Variants in FAT4 observed in about 807,000 individuals in gnomAD.
The protein encoded by FAT4 is protocadherin Fat 4.
FAT4 carries 84 observed loss-of-function variants against 303.9 expected under a neutral mutation model. The observed-to-expected ratio is 0.28, with a 90% CI of 0.23 to 0.33. The LOEUF (loss-of-function observed/expected upper bound fraction) is 0.33. Ranked by LOEUF, FAT4 falls within the 10% of genes least tolerant of loss-of-function variation. FAT4 has a pLI of 1.00. For missense variants in FAT4, 6,005 were observed against 6,146.8 expected (o/e 0.98, Z 0.77); for synonymous variants, 2,307 against 2,298.8 (o/e 1.00, Z -0.10).
At chr4:125,370,765 C>G (rs1733074710) in intron 2 of FAT4, among the ~76,000 whole-genome samples, 1 of 151,984 alleles carries the variant, frequency 6.6e-6, no homozygotes. Context: ...TCAAAATTTT[C>G]AAAGTTTGAA....
chr4:125,465,323 A>G (rs1313277195), intron 11 of FAT4, among the ~76,000 whole-genome samples: 2 of 152,206 alleles, frequency 1.3e-5, no homozygotes, highest in African/African-American at 4.8e-5. Context: ...TGAGATGTCC[A>G]AAAACTTTTT....
intron 2 of FAT4, among the ~76,000 whole-genome samples, chr4:125,327,254 A>G (rs577839918): frequency 1.4e-4 from 22 of 152,236 alleles, no homozygotes; most frequent in Non-Finnish European, 3.1e-4. Flanking sequence ...AAGGTAGATG[A>G]GGGGCCTCTT....
chr4:125,481,765 AT>A lies in FAT4; in HGVS notation c.12822+30del, dbSNP rs748966965. The A allele has an allele frequency of 2.5e-6, 4 of 1,595,200 alleles. No homozygotes were observed. The South Asian group carries it at 3.3e-5, about 13-fold the overall frequency. Reference sequence around the variant, plus strand: ...TGAGATAAAAGCTAATGGTGACTTCATTTGATTAGACCGCCTGCCGTGTAGT... The same window carrying A: ...TGAGATAAAAGCTAATGGTGACTTCATTGATTAGACCGCCTGCCGTGTAGT... On this transcript the variant is annotated intron_variant, in intron 16 of 17. Transcript: ENST00000394329.
chr4:125,455,913 G>A (rs1383685866), intron 10 of FAT4, among the ~76,000 whole-genome samples: 1 of 152,146 alleles, frequency 6.6e-6, no homozygotes, highest in Non-Finnish European at 1.5e-5. Context: ...CTTCAAACTG[G>A]CTAAGAATAC....
chr4:125,366,166 GTTTGTTGTACAGA>G (rs1178464881), intron 2 of FAT4, among the ~76,000 whole-genome samples: 1 of 152,102 alleles, frequency 6.6e-6, no homozygotes, highest in Non-Finnish European at 1.5e-5. Flanking sequence ...CTGTCATGGG[GTTTGTTGTACAGA>G]TTATTTCATC....
At position 125,477,297 on chromosome 4, in the gene FAT4, C is replaced by T; in HGVS notation, c.12442C>T (p.Pro4148Ser). ...EFAVNGRPLE[P>S]SQALAAQGIL... ...TGCAGTCAATGGAAGGCCTCTGGAA[C>T]CCAGCCAAGCTTTGGCAGCACAAGG... Residue 4148 changes from proline to serine, a missense_variant, in exon 14 of 18, where the codon CCC (proline) becomes TCC (serine). Physicochemically the swap from Pro to Ser is moderately conservative, Grantham distance 74. Coordinates refer to ENST00000394329, the MANE Select transcript of FAT4 (RefSeq NM_001291303.3). 1.3e-6 allele frequency: 2 copies of T among 1,584,066 alleles called. No homozygotes were observed. Among genetic ancestry groups the T allele is most frequent in the Non-Finnish European group, 1.7e-6 (2 of 1,164,634 alleles).
intron 2 of FAT4, among the ~76,000 whole-genome samples, chr4:125,353,491 C>A (rs748674650): frequency 2.6e-5 from 4 of 151,520 alleles, no homozygotes; most frequent in Non-Finnish European, 4.4e-5. Flanking sequence ...AAAGTAAGTC[C>A]TTTTCATAAT....
At chr4:125,373,023 T>A (rs1315145011) in intron 2 of FAT4, among the ~76,000 whole-genome samples, 2 of 152,182 alleles carry the variant, frequency 1.3e-5, no homozygotes, top group Admixed American at 6.5e-5. Flanking sequence ...TGCCATTTTT[T>A]AAATAAAACA....
chr4:125,404,834 T>A (rs556994149), intron 3 of FAT4, among the ~76,000 whole-genome samples: 1 of 152,268 alleles, frequency 6.6e-6, no homozygotes, highest in South Asian at 2.1e-4. Flanking sequence ...GCAGCATTTG[T>A]CCTTCTGTGA....
intron 12 of FAT4, among the ~76,000 whole-genome samples, chr4:125,472,726 A>G (rs1345020905): frequency 3.3e-5 from 5 of 152,212 alleles, no homozygotes; most frequent in African/African-American, 1.2e-4. Flanking sequence ...GTTTTAAAAT[A>G]CAGAACTATT....
rs1726056010 is a variant in FAT4 at position 125,451,229 on chromosome 4, A to G, written c.10219A>G (p.Thr3407Ala). 2 of 1,614,070 alleles carry G rather than the reference A, an allele frequency of 1.2e-6. No homozygotes were observed. Among genetic ancestry groups the G allele is most frequent in the Non-Finnish European group, 8.5e-7 (1 of 1,180,018 alleles). ...TGATGCAAATGACCCACCCATTTTT[A>G]CTCTAAACATCTACAGTGTGCAGAT... Reference protein sequence around the residue: ...VLDANDPPIFTLNIYSVQISE... With the variant: ...VLDANDPPIFALNIYSVQISE... Residue 3407 changes from threonine to alanine, a missense_variant, in exon 10 of 18, where the codon ACT (threonine) becomes GCT (alanine). Physicochemically the swap from Thr to Ala is moderately conservative, Grantham distance 58. Coordinates refer to ENST00000394329, the MANE Select transcript of FAT4 (RefSeq NM_001291303.3).
chr4:125,451,319 C>A lies in FAT4; in HGVS notation c.10309C>A (p.Pro3437Thr), dbSNP rs547053671. 37 of 1,614,048 alleles carry A rather than the reference C, an allele frequency of 2.3e-5. No individual in the cohort carries two copies. Among genetic ancestry groups the A allele is most frequent in the African/African-American group, 1.3e-5 (1 of 75,014 alleles). The change falls in exon 10 of 18, where the codon CCC (proline) becomes ACC (threonine). Residue 3437 changes from proline to threonine, a missense_variant. Pro to Thr is a conservative substitution (Grantham distance 38). Coordinates refer to ENST00000394329, the MANE Select transcript of FAT4 (RefSeq NM_001291303.3). ...FVSAFDSDSIPSWSRFSYFIG... is the reference protein window; with the variant it reads ...FVSAFDSDSITSWSRFSYFIG... Reference sequence around the variant, plus strand: ...CAGTGCCTTTGACTCAGACTCCATCCCCAGCTGGAGCAGGTTTTCTTACTT... The same window carrying A: ...CAGTGCCTTTGACTCAGACTCCATCACCAGCTGGAGCAGGTTTTCTTACTT...
Position 125,452,253 on chromosome 4 carries a change from C to G in FAT4, c.11243C>G (p.Thr3748Ser). 6.2e-7 allele frequency: 1 copy of G among 1,614,252 alleles called. No individual in the cohort carries two copies. ...AGCTCACAGCTGACAGGCTTAGGGA[C>G]TGCTGTGCAACTGTACAGTGCATAT... ...IASSQLTGLGTAVQLYSAYEE... is the reference protein window; with the variant it reads ...IASSQLTGLGSAVQLYSAYEE... The change falls in exon 10 of 18, where the codon ACT (threonine) becomes AGT (serine). Residue 3748 changes from threonine to serine, a missense_variant. Physicochemically the swap from Thr to Ser is moderately conservative, Grantham distance 58. Transcript: ENST00000394329.
chr4:125,331,305 A>G (rs1165698988), intron 2 of FAT4, among the ~76,000 whole-genome samples: 1 of 152,156 alleles, frequency 6.6e-6, no homozygotes, highest in East Asian at 1.9e-4. Flanking sequence ...TTTACTGTTG[A>G]TAATGCTGCA....
chr4:125,347,219 A>G (rs1181239247), intron 2 of FAT4, among the ~76,000 whole-genome samples: 1 of 150,510 alleles, frequency 6.6e-6, no homozygotes, highest in African/African-American at 2.4e-5. Flanking sequence ...ATAATATATA[A>G]TATATGGCAT....
rs1202693503 is a variant in FAT4, at chr4:125,489,932, G to T, written c.13116G>T (p.Trp4372Cys). ...AGFDGCIASMWYGGESLPFSG... is the reference protein window; with the variant it reads ...AGFDGCIASMCYGGESLPFSG... ...TTGATGGCTGCATTGCTTCTATGTG[G>T]TATGGTGGAGAAAGTCTTCCTTTCA... Residue 4372 changes from tryptophan to cysteine, a missense_variant, in exon 18 of 18, where the codon TGG becomes TGT. By Grantham distance (215) the Trp-to-Cys change is radical. Coordinates refer to ENST00000394329, the MANE Select transcript of FAT4 (RefSeq NM_001291303.3). 6.4e-6 allele frequency: 10 copies of T among 1,568,568 alleles called. No homozygotes were observed. In the East Asian group the frequency reaches 2.4e-4, roughly 38 times the overall value.
Position 125,356,067 on chromosome 4 carries a change from C to A in FAT4, c.5175+34481C>A, listed in dbSNP as rs560016316. Among the ~76,000 whole-genome samples, 79 of 152,030 alleles carry A rather than the reference C, an allele frequency of 5.2e-4. 1 individual carries two copies. Among genetic ancestry groups the A allele is most frequent in the Middle Eastern group, 3.4e-3 (1 of 294 alleles). Reference sequence around the variant, plus strand: ...CTGAGTGGAAGGCTGGTAAAAGCAACCTCGTCTGCATGCATCACTTTGAAT... The same window carrying A: ...CTGAGTGGAAGGCTGGTAAAAGCAAACTCGTCTGCATGCATCACTTTGAAT... On this transcript the variant is annotated intron_variant, in intron 2 of 17. Transcript: ENST00000394329.
chr4:125,450,914 T>C lies in FAT4; in HGVS notation c.9904T>C (p.Ser3302Pro). The change falls in exon 10 of 18, where the codon TCC (serine) becomes CCC (proline). Residue 3302 changes from serine to proline, a missense_variant. Transcript: ENST00000394329. ...AAATGAATATGTGCCCCGTTTTGTTTCCAAACTTTACTATTTTGAAATCTC... is the reference window on the plus strand; with the variant it reads ...AAATGAATATGTGCCCCGTTTTGTTCCCAAACTTTACTATTTTGAAATCTC... ...GTNEYVPRFV[S>P]KLYYFEISEA... The C allele has an allele frequency of 6.2e-7, 1 of 1,614,132 alleles. No homozygotes were observed. The highest frequency in any genetic ancestry group is 8.5e-7 in the Non-Finnish European group (1 of 1,180,010).
chr4:125,483,661 T>TA (rs140754462), intron 16 of FAT4, among the ~76,000 whole-genome samples: 5,521 of 152,084 alleles, frequency 0.036, 146 homozygotes, highest in African/African-American at 0.078. Flanking sequence ...TGCAAATTAA[T>TA]AAAAAAATGA....
Sources: allele counts gnomAD v4.1 joint callset (sites outside exome capture counted in the v4.1 genomes callset), GRCh38; gene constraint gnomAD v4.1.1; transcripts MANE v1.5; gene names NCBI Gene and HGNC (gene_info 2026-07-23, HGNC 2026-07-21).